SLIT3: variants seen among roughly 807,000 people sequenced by gnomAD.
The protein encoded by SLIT3 is slit homolog 3 protein.
In SLIT3, 68 loss-of-function variants were observed where a neutral mutation model predicts 184.0. That is an observed-to-expected ratio of 0.37 (90% CI 0.30 to 0.45). SLIT3 has a LOEUF of 0.45. SLIT3 is among the 20% of genes least tolerant of loss of function. The probability of loss-of-function intolerance (pLI) is 1.00; values close to 1 mark genes in which losing one functional copy is unlikely to be tolerated. For synonymous variants in SLIT3, 831 were observed against 828.6 expected (o/e 1.00, Z -0.05); for missense variants, 1,707 against 2,026.0 (o/e 0.84, Z 3.02).
intron 4 of SLIT3, among the ~76,000 whole-genome samples, chr5:169,163,253 G>A (rs572793179): frequency 3.3e-5 from 5 of 152,198 alleles, no homozygotes; most frequent in East Asian, 3.9e-4. Context: ...CCTGGGAGGC[G>A]GAGGTTGCAG....
At chr5:169,076,269 G>A (rs1180499593) in intron 4 of SLIT3, among the ~76,000 whole-genome samples, 2 of 152,208 alleles carry the variant, frequency 1.3e-5, no homozygotes, top group African/African-American at 4.8e-5. Flanking sequence ...GGCCTTTTCA[G>A]ACTTAAAAGA....
chr5:169,107,288 G>A (rs1159499927), intron 4 of SLIT3, among the ~76,000 whole-genome samples: 1 of 152,146 alleles, frequency 6.6e-6, no homozygotes, highest in Non-Finnish European at 1.5e-5. Flanking sequence ...GAAGGTGTTG[G>A]GGAGGTGGAC....
At chr5:169,053,646 A>G (rs1757887595) in intron 4 of SLIT3, among the ~76,000 whole-genome samples, 1 of 152,178 alleles carries the variant, frequency 6.6e-6, no homozygotes, top group Non-Finnish European at 1.5e-5. Flanking sequence ...ACATCTGTTT[A>G]GTTTCCACCA....
rs867150463 is a variant in SLIT3, at chr5:169,159,498, A to G, written c.413+33981T>C. Among the ~76,000 whole-genome samples the G allele has an allele frequency of 4.7e-5, 7 of 149,870 alleles. No homozygotes were observed. The South Asian group carries it at 1.5e-3, about 32-fold the overall frequency. The stretch of plus-strand genomic sequence containing the variant: ...TTTTTTAAAAAGCATGACCCAGGCC[A>G]GGCGCGGTAGCTCACGCCTGTAATC... On this transcript the variant is annotated intron_variant, in intron 4 of 35. Coordinates refer to ENST00000519560, the MANE Select transcript of SLIT3 (RefSeq NM_003062.4).
chr5:168,969,553 G>T (rs1225791527), intron 4 of SLIT3, among the ~76,000 whole-genome samples: 1 of 152,116 alleles, frequency 6.6e-6, no homozygotes, highest in Non-Finnish European at 1.5e-5. Context: ...CTCCCTTGCA[G>T]GTCATCCTGA....
At chr5:168,919,145 A>G (rs1761542791) in intron 4 of SLIT3, among the ~76,000 whole-genome samples, 1 of 152,000 alleles carries the variant, frequency 6.6e-6, no homozygotes, top group Admixed American at 6.5e-5. Context: ...CTGTAGTCCC[A>G]GCTACTCGAG....
chr5:169,156,031 C>T (rs539949524), intron 4 of SLIT3, among the ~76,000 whole-genome samples: 3 of 152,364 alleles, frequency 2.0e-5, no homozygotes, highest in African/African-American at 7.2e-5. Context: ...AAAGGTTCCA[C>T]AGAAAGTTAT....
intron 4 of SLIT3, among the ~76,000 whole-genome samples, chr5:168,956,404 T>G (rs1244151505): frequency 6.6e-5 from 10 of 152,150 alleles, no homozygotes; most frequent in Non-Finnish European, 2.9e-5. Context: ...TAAGTAAGAC[T>G]GACACAAAGT....
At chr5:169,270,640 A>G (rs1163464385) in intron 1 of SLIT3, among the ~76,000 whole-genome samples, 1 of 152,034 alleles carries the variant, frequency 6.6e-6, no homozygotes, top group Non-Finnish European at 1.5e-5. Context: ...CTGTCTGCTG[A>G]CCCTGATCTA....
chr5:169,231,862 GT>G (rs1765015214), intron 3 of SLIT3, among the ~76,000 whole-genome samples: 1 of 152,176 alleles, frequency 6.6e-6, no homozygotes, highest in Non-Finnish European at 1.5e-5. Context: ...TCCAATTAGT[GT>G]GTGGTATGTG....
intron 4 of SLIT3, among the ~76,000 whole-genome samples, chr5:169,061,507 G>T (rs776277003): frequency 1.1e-4 from 17 of 152,180 alleles, no homozygotes; most frequent in Non-Finnish European, 2.1e-4. Flanking sequence ...GGTTCTGATC[G>T]CAAAGCATCT....
At chr5:168,907,961 T>TAC (rs1460303859) in intron 4 of SLIT3, among the ~76,000 whole-genome samples, 28 of 82,494 alleles carry the variant, frequency 3.4e-4, no homozygotes, top group Non-Finnish European at 2.0e-4. Flanking sequence ...TATATATATA[T>TAC]ATATATATAT....
intron 6 of SLIT3, among the ~76,000 whole-genome samples, chr5:168,832,639 G>A (rs796165712): frequency 3.9e-5 from 6 of 152,332 alleles, no homozygotes; most frequent in African/African-American, 1.4e-4. Context: ...CGTGGGGACT[G>A]TCGTAAACCC....
intron 14 of SLIT3, among the ~76,000 whole-genome samples, chr5:168,770,967 T>G (rs961694572): frequency 6.6e-6 from 1 of 151,708 alleles, no homozygotes; most frequent in African/African-American, 2.4e-5. Context: ...TACCAGTCCT[T>G]GGATCCTGCA....
chr5:168,762,658 G>A lies in SLIT3; in HGVS notation c.1491C>T (p.Ser497=), dbSNP rs187066924. The A allele has an allele frequency of 5.3e-5, 86 of 1,614,068 alleles. No homozygotes were observed. The highest frequency in any genetic ancestry group is 1.6e-4 in the African/African-American group (12 of 75,032). Residue 497 remains serine (S), a synonymous_variant, in exon 15 of 36, where the codon AGC becomes AGT. Coordinates refer to ENST00000519560, the MANE Select transcript of SLIT3 (RefSeq NM_003062.4). ...GGCACACGAGGTCCATGAAGCACTC[G>A]CTGCTGAACCTGCTGCGGTAATCCT... ...GSEDYRSRFS[S]ECFMDLVCPE...
chr5:168,668,118 C>G (rs1468274616), intron 35 of SLIT3, among the ~76,000 whole-genome samples: 1 of 152,158 alleles, frequency 6.6e-6, no homozygotes, highest in Non-Finnish European at 1.5e-5. Context: ...CAAGACTTCT[C>G]AGTGTCCATG....
chr5:168,945,878 C>A (rs953717055), intron 4 of SLIT3, among the ~76,000 whole-genome samples: 2 of 152,200 alleles, frequency 1.3e-5, no homozygotes, highest in African/African-American at 2.4e-5. Context: ...TTGATTTGTT[C>A]TAATCTTTGG....
At chr5:169,022,384 C>T (rs1756634476) in intron 4 of SLIT3, among the ~76,000 whole-genome samples, 2 of 152,208 alleles carry the variant, frequency 1.3e-5, no homozygotes, top group Admixed American at 6.5e-5. Context: ...CACCGCTATA[C>T]TCTCTGAAAC....
intron 14 of SLIT3, chr5:168,768,054 C>G: frequency 2.7e-6 from 1 of 375,706 alleles, no homozygotes; most frequent in East Asian, 7.6e-5. Context: ...TGAGTTGAGA[C>G]TGGGAGAGGT....
Sources: allele counts gnomAD v4.1 joint callset (sites outside exome capture counted in the v4.1 genomes callset), GRCh38; gene constraint gnomAD v4.1.1; transcripts MANE v1.5; gene names NCBI Gene and HGNC (gene_info 2026-07-23, HGNC 2026-07-21).